Variants in VWA3B observed in about 807,000 individuals in gnomAD.
VWA3B encodes the protein von Willebrand factor A domain containing 3B.
In VWA3B, 138 loss-of-function variants were observed where a neutral mutation model predicts 158.3. The ratio of observed to expected loss-of-function variants is 0.87; its 90% confidence interval spans 0.76 to 1.00. The LOEUF (loss-of-function observed/expected upper bound fraction) is 1.00. Among genes scored for constraint, VWA3B ranks in the 50% least tolerant of loss-of-function variants. VWA3B has a pLI of 0.00. For missense variants in VWA3B, 1,555 were observed against 1,565.1 expected (o/e 0.99, Z 0.11); for synonymous variants, 596 against 587.3 (o/e 1.01, Z -0.21).
At chr2:98,274,031 C>A (rs1478006767) in intron 22 of VWA3B, among the ~76,000 whole-genome samples, 1 of 152,084 alleles carries the variant, frequency 6.6e-6, no homozygotes, top group African/African-American at 2.4e-5. Flanking sequence ...AAAAATAATT[C>A]CCGTAATTTC....
intron 13 of VWA3B, chr2:98,216,866 T>C (rs1301259124): frequency 1.2e-5 from 14 of 1,127,116 alleles, no homozygotes; most frequent in Non-Finnish European, 1.6e-5. Flanking sequence ...GCCATTCAGA[T>C]GGGCAGTGCT....
chr2:98,242,128 T>G, intron 19 of VWA3B: 1 of 420,198 alleles, frequency 2.4e-6, no homozygotes, highest in East Asian at 7.1e-5. Flanking sequence ...CTGTGTTCTG[T>G]GCACGGCCAC....
Position 98,133,910 on chromosome 2 carries a change from CAAGGAAACTGA to C in VWA3B, c.967_977del (p.Leu323ThrfsTer53). On this transcript the variant is annotated frameshift_variant, in exon 7 of 28. Transcript: ENST00000477737. LOFTEE classifies it high-confidence loss of function. ...GGTGACAATGTGATGACTTGGAATT[CAAGGAAACTGA>C]AAGGAAAACTCCCTCCAGGTACCTG... The C allele has an allele frequency of 6.2e-7, 1 of 1,614,098 alleles. No individual in the cohort carries two copies. Among genetic ancestry groups the C allele is most frequent in the Non-Finnish European group, 8.5e-7 (1 of 1,180,024 alleles).
chr2:98,188,054 A>C lies in VWA3B; in HGVS notation c.1391A>C (p.His464Pro). 1 of 1,614,102 alleles carries C rather than the reference A, an allele frequency of 6.2e-7. No homozygotes were observed. Among genetic ancestry groups the C allele is most frequent in the Non-Finnish European group, 8.5e-7 (1 of 1,180,020 alleles). Residue 464 changes from histidine (H) to proline (P), a missense_variant, in exon 10 of 28, where the codon CAC (histidine) becomes CCC (proline). His to Pro is a moderately conservative substitution (Grantham distance 77). Coordinates refer to ENST00000477737, the MANE Select transcript of VWA3B (RefSeq NM_144992.5). ...HAPWKDGSLV[H>P]VNITKEKCKW... The stretch of plus-strand genomic sequence containing the variant: ...CCCTGGAAGGATGGGAGCTTGGTCC[A>C]CGTCAACATTACCAAAGAGAAGTGC...
chr2:98,270,818 ATCCAGCAGGCCATGGAAC>A lies in VWA3B; in HGVS notation c.2986_3003del (p.Gln996_Gln1001del). On this transcript the variant is annotated inframe_deletion, in exon 22 of 28. Coordinates refer to ENST00000477737, the MANE Select transcript of VWA3B (RefSeq NM_144992.5). The stretch of plus-strand genomic sequence containing the variant: ...TGAAATCCTAGCTGGGAAAATGTAC[ATCCAGCAGGCCATGGAAC>A]TCCAGGAGGCTGCCAAGAAGAATTA... The A allele has an allele frequency of 6.2e-7, 1 of 1,614,172 alleles. No individual in the cohort carries two copies. Among genetic ancestry groups the A allele is most frequent in the South Asian group, 1.1e-5 (1 of 91,084 alleles).
chr2:98,202,485 A>T (rs1682633680), intron 12 of VWA3B, among the ~76,000 whole-genome samples: 1 of 151,554 alleles, frequency 6.6e-6, no homozygotes, highest in South Asian at 2.1e-4. Flanking sequence ...CTAATTTTTA[A>T]CAAATGTTTT....
chr2:98,142,884 G>A (rs1362690788), intron 7 of VWA3B, among the ~76,000 whole-genome samples: 4 of 152,210 alleles, frequency 2.6e-5, no homozygotes, highest in African/African-American at 9.6e-5. Flanking sequence ...AGAGCACTCG[G>A]AATGGAGCGA....
chr2:98,292,320 A>G (rs1689545937), intron 23 of VWA3B, among the ~76,000 whole-genome samples: 1 of 152,172 alleles, frequency 6.6e-6, no homozygotes, highest in South Asian at 2.1e-4. Flanking sequence ...AATAATTATT[A>G]TTTAAATTTA....
chr2:98,257,972 T>C (rs1293831455), intron 21 of VWA3B, among the ~76,000 whole-genome samples: 2 of 151,990 alleles, frequency 1.3e-5, no homozygotes, highest in African/African-American at 4.8e-5. Flanking sequence ...TTTCTTCTAA[T>C]ATGTTTACAG....
At position 98,204,863 on chromosome 2, in the gene VWA3B, A is replaced by G. The variant is rs143864452; in HGVS notation, c.1738-7067A>G. On this transcript the variant is annotated intron_variant, in intron 12 of 27. Coordinates refer to ENST00000477737, the MANE Select transcript of VWA3B (RefSeq NM_144992.5). ...GGTAGGTCACATCTGTAATCCCAGC[A>G]CTTTGGGAGGCCAAGGCAGGCAGGA... 1.6e-3 allele frequency among the ~76,000 whole-genome samples: 241 copies of G among 152,282 alleles called. 3 individuals carry two copies. Among genetic ancestry groups the G allele is most frequent in the African/African-American group, 5.4e-3 (225 of 41,552 alleles).
intron 7 of VWA3B, among the ~76,000 whole-genome samples, chr2:98,135,367 G>T: frequency 9.5e-6 from 1 of 105,422 alleles, no homozygotes; most frequent in African/African-American, 3.8e-5. Flanking sequence ...ACAGAGTCTC[G>T]CTCTGTCGCC....
chr2:98,283,601 G>A (rs184255586), intron 22 of VWA3B, among the ~76,000 whole-genome samples: 6 of 152,308 alleles, frequency 3.9e-5, no homozygotes, highest in Admixed American at 1.3e-4. Context: ...TATGAAGATG[G>A]AAAAACTGTG....
chr2:98,293,509 T>A (rs1689618724), intron 23 of VWA3B, among the ~76,000 whole-genome samples: 2 of 152,184 alleles, frequency 1.3e-5, no homozygotes, highest in South Asian at 4.1e-4. Context: ...TATTAAAAAT[T>A]CAAACATACA....
At chr2:98,133,315 A>G (rs1676017439) in intron 6 of VWA3B, among the ~76,000 whole-genome samples, 1 of 152,158 alleles carries the variant, frequency 6.6e-6, no homozygotes, top group Non-Finnish European at 1.5e-5. Context: ...ATTCGTGCTT[A>G]AGCCTGGCTC....
rs192174013 is a variant in VWA3B at position 98,113,987 on chromosome 2, C to T, written c.197-1665C>T. 1.4e-4 allele frequency among the ~76,000 whole-genome samples: 22 copies of T among 152,336 alleles called. No homozygotes were observed. The East Asian group carries it at 2.1e-3, about 15-fold the overall frequency. On this transcript the variant is annotated intron_variant, in intron 2 of 27. Coordinates refer to ENST00000477737, the MANE Select transcript of VWA3B (RefSeq NM_144992.5). Reference sequence around the variant, plus strand: ...ACTCAAACTCCAAACTCTCTCTTTCCTGCTAAATACATACAAATAACAAAT... The same window carrying T: ...ACTCAAACTCCAAACTCTCTCTTTCTTGCTAAATACATACAAATAACAAAT...
chr2:98,184,193 T>C (rs1275553719), intron 9 of VWA3B, among the ~76,000 whole-genome samples: 1 of 152,186 alleles, frequency 6.6e-6, no homozygotes, highest in Non-Finnish European at 1.5e-5. Flanking sequence ...GTGTATGGTC[T>C]GGTGGTTTTC....
intron 9 of VWA3B, among the ~76,000 whole-genome samples, chr2:98,186,271 C>T (rs1681037183): frequency 6.6e-6 from 1 of 151,686 alleles, no homozygotes; most frequent in East Asian, 1.9e-4. Context: ...CTGTCAATGC[C>T]GAAGCACCTC....
At chr2:98,278,401 G>A (rs1314047093) in intron 22 of VWA3B, among the ~76,000 whole-genome samples, 1 of 152,190 alleles carries the variant, frequency 6.6e-6, no homozygotes, top group Non-Finnish European at 1.5e-5. Flanking sequence ...GTCCACAGAT[G>A]GCTAAGTGTT....
At chr2:98,259,968 T>C (rs1687381162) in intron 21 of VWA3B, among the ~76,000 whole-genome samples, 1 of 151,836 alleles carries the variant, frequency 6.6e-6, no homozygotes, top group South Asian at 2.1e-4. Flanking sequence ...CTAATTTCTC[T>C]AGTAATTTCT....
Sources: gnomAD v4.1 joint callset for allele counts (sites outside exome capture counted in the v4.1 genomes callset) on GRCh38, gnomAD v4.1.1 for gene constraint, MANE v1.5 for transcripts, NCBI Gene and HGNC (gene_info 2026-07-23, HGNC 2026-07-21) for gene names.